The following ZFHX3 variants were observed in gnomAD, a reference collection of about 807,000 sequenced individuals.
ZFHX3 encodes the protein zinc finger homeobox protein 3.
A neutral mutation model predicts 279.1 loss-of-function variants in ZFHX3; 42 were observed. The ratio of observed to expected loss-of-function variants is 0.15; its 90% confidence interval spans 0.12 to 0.19. ZFHX3 has a LOEUF of 0.19. Ranked by LOEUF, ZFHX3 falls within the 10% of genes least tolerant of loss-of-function variation. The pLI is 1.00. For synonymous variants in ZFHX3, 2,293 were observed against 1,957.8 expected (o/e 1.17, Z -4.52); for missense variants, 4,981 against 4,754.0 (o/e 1.05, Z -1.40).
intron 7 of ZFHX3, among the ~76,000 whole-genome samples, chr16:73,109,881 A>AAC (rs937555699): frequency 1.9e-4 from 28 of 144,524 alleles, no homozygotes; most frequent in Admixed American, 1.6e-3. Context: ...CAAAAACAAA[A>AAC]AACCACCAAA....
At chr16:72,822,751 G>A (rs1048311064) in intron 5 of ZFHX3, among the ~76,000 whole-genome samples, 5 of 146,920 alleles carry the variant, frequency 3.4e-5, no homozygotes, top group Non-Finnish European at 5.9e-5. Context: ...TCATTATACT[G>A]TGTCATAATT....
chr16:72,890,769 A>C (rs1206948147), intron 3 of ZFHX3, among the ~76,000 whole-genome samples: 1 of 152,258 alleles, frequency 6.6e-6, no homozygotes, highest in African/African-American at 2.4e-5. Context: ...AATTCAACCC[A>C]CTGCCTGTTT....
At chr16:73,439,912 A>G (rs1026430823) in intron 3 of ZFHX3, among the ~76,000 whole-genome samples, 839 of 54,872 alleles carry the variant, frequency 0.015, 26 homozygotes, top group East Asian at 0.14. Context: ...AGAGGGACAA[A>G]AAAAAAAAAA....
chr16:72,951,940 C>T (rs1187592077), intron 2 of ZFHX3, among the ~76,000 whole-genome samples: 4 of 152,220 alleles, frequency 2.6e-5, no homozygotes, highest in Non-Finnish European at 5.9e-5. Flanking sequence ...TTGGATAGTG[C>T]ATCTCTAAAG....
At chr16:73,867,249 T>C (rs944232816) in intron 1 of ZFHX3, among the ~76,000 whole-genome samples, 1 of 152,134 alleles carries the variant, frequency 6.6e-6, no homozygotes, top group Non-Finnish European at 1.5e-5. Context: ...TCTCATGCAA[T>C]GTTCAAACCA....
chr16:73,767,572 A>G (rs928736821), intron 1 of ZFHX3, among the ~76,000 whole-genome samples: 1 of 152,232 alleles, frequency 6.6e-6, no homozygotes, highest in Non-Finnish European at 1.5e-5. Context: ...CAAGATATAT[A>G]ATAGATGGTG....
intron 2 of ZFHX3, among the ~76,000 whole-genome samples, chr16:72,954,574 G>T (rs1474078191): frequency 4.6e-5 from 7 of 152,148 alleles, no homozygotes; most frequent in Admixed American, 4.6e-4. Flanking sequence ...AAAGGGAGAC[G>T]AAGGGAGCTG....
chr16:73,612,476 A>G (rs1041927103), intron 2 of ZFHX3, among the ~76,000 whole-genome samples: 1 of 152,216 alleles, frequency 6.6e-6, no homozygotes, highest in Non-Finnish European at 1.5e-5. Context: ...TAAGATTTCT[A>G]TTTGATCATG....
At chr16:72,857,022 C>A (rs2037770095) in intron 4 of ZFHX3, among the ~76,000 whole-genome samples, 2 of 152,198 alleles carry the variant, frequency 1.3e-5, no homozygotes, top group Non-Finnish European at 1.5e-5. Context: ...TCCACAGGAG[C>A]TAAATGCAGC....
intron 1 of ZFHX3, among the ~76,000 whole-genome samples, chr16:73,724,438 G>A (rs2053501219): frequency 6.6e-6 from 1 of 152,154 alleles, no homozygotes; most frequent in African/African-American, 2.4e-5. Flanking sequence ...CATCCTCATG[G>A]GGCAACCAGG....
At chr16:72,936,109 C>A (rs1031780847) in intron 3 of ZFHX3, among the ~76,000 whole-genome samples, 1 of 152,208 alleles carries the variant, frequency 6.6e-6, no homozygotes, top group Admixed American at 6.5e-5. Flanking sequence ...AGGAACAGAG[C>A]TGTGTGTGAA....
At chr16:73,157,272 C>T (rs1004968051) in intron 5 of ZFHX3, among the ~76,000 whole-genome samples, 6 of 151,886 alleles carry the variant, frequency 4.0e-5, no homozygotes, top group African/African-American at 4.8e-5. Flanking sequence ...CTGGGTTTTC[C>T]GTGACAGTTG....
intron 1 of ZFHX3, among the ~76,000 whole-genome samples, chr16:73,805,097 A>G (rs1349751054): frequency 2.0e-5 from 3 of 152,192 alleles, no homozygotes; most frequent in African/African-American, 4.8e-5. Context: ...TACCCTAACT[A>G]TAGCTCTGTC....
chr16:72,894,846 G>T (rs755165910), intron 3 of ZFHX3, among the ~76,000 whole-genome samples: 3 of 152,162 alleles, frequency 2.0e-5, no homozygotes, highest in Non-Finnish European at 4.4e-5. Flanking sequence ...AACCCCTTCC[G>T]CCTCTATCAC....
chr16:72,934,971 A>G lies in ZFHX3; in HGVS notation c.3216+15498T>C, dbSNP rs74509661. ...GAGTACAACCAGCATTTGTAAAACA[A>G]AACAGAATTGAATGTAATAGAAAGC... On this transcript the variant is annotated intron_variant, in intron 3 of 9. Coordinates refer to ENST00000268489, the MANE Select transcript of ZFHX3 (RefSeq NM_006885.4). Among the ~76,000 whole-genome samples the G allele has an allele frequency of 7.6e-3, 1,162 of 152,368 alleles. 5 individuals are homozygous for G. The highest frequency in any genetic ancestry group is 0.013 in the Non-Finnish European group (887 of 68,036).
At position 72,783,231 on chromosome 16, in the gene ZFHX3, C is replaced by G. The variant is rs2035201119; in HGVS notation, c.*3933G>C. The G allele has an allele frequency of 6.6e-6, 1 of 151,016 alleles. No homozygotes were observed. Among genetic ancestry groups the G allele is most frequent in the Non-Finnish European group, 1.5e-5 (1 of 67,766 alleles). 9.4% of individuals were successfully genotyped at this position (151,016 alleles called of 1,614,324 possible). A position where few individuals can be genotyped will look rare whatever the true frequency, so the allele number is the denominator to read the frequency against. On this transcript the variant is annotated 3_prime_UTR_variant, in exon 10 of 10. Coordinates refer to ENST00000268489, the MANE Select transcript of ZFHX3 (RefSeq NM_006885.4). ...GTACATTGCAAAGGCTGTTCATATA[C>G]CTCTTCACCTCAGGGTCACGTTCAT... is the stretch of plus-strand genomic sequence containing the variant.
chr16:73,683,978 CT>C (rs1453164777), intron 1 of ZFHX3, among the ~76,000 whole-genome samples: 2 of 152,216 alleles, frequency 1.3e-5, no homozygotes, highest in African/African-American at 2.4e-5. Flanking sequence ...AAAGCAGTAG[CT>C]GTGTTCCAAT....
chr16:73,577,812 T>C (rs2143817614), intron 2 of ZFHX3, among the ~76,000 whole-genome samples: 1 of 152,230 alleles, frequency 6.6e-6, no homozygotes, highest in East Asian at 1.9e-4. Context: ...GTTTTTACCC[T>C]ACGAATTTAA....
chr16:73,545,002 G>A (rs998389920), intron 2 of ZFHX3, among the ~76,000 whole-genome samples: 4 of 152,124 alleles, frequency 2.6e-5, no homozygotes, highest in Non-Finnish European at 4.4e-5. Context: ...GAAAGGTTTT[G>A]CCCACAGCCC....
Sources: gnomAD v4.1 joint callset for allele counts (sites outside exome capture counted in the v4.1 genomes callset) on GRCh38, gnomAD v4.1.1 for gene constraint, MANE v1.5 for transcripts, NCBI Gene and HGNC (gene_info 2026-07-23, HGNC 2026-07-21) for gene names.